MGA: variants seen among roughly 807,000 people sequenced by gnomAD.
MGA encodes MAX gene-associated protein.
In MGA, 40 loss-of-function variants were observed where a neutral mutation model predicts 261.1. The ratio of observed to expected loss-of-function variants is 0.15; its 90% CI spans 0.12 to 0.20. MGA has a LOEUF of 0.20. Ranked by LOEUF, MGA falls within the 10% of genes least tolerant of loss-of-function variation. MGA has a pLI of 1.00. For synonymous variants in MGA, 1,302 were observed against 1,290.6 expected, an observed-to-expected ratio of 1.01 and a Z score of -0.19; for missense variants, 3,397 against 3,630.5, an observed-to-expected ratio of 0.94 and a Z score of 1.65.
chr15:41,663,822 A>T (rs769272034), intron 1 of MGA, among the ~76,000 whole-genome samples: 44 of 151,946 alleles, frequency 2.9e-4, no homozygotes, highest in Middle Eastern at 3.2e-3. Flanking sequence ...GCTTAAGTAG[A>T]CTTTAGAGTG....
At chr15:41,752,916 C>G (rs181104782) in intron 17 of MGA, among the ~76,000 whole-genome samples, 158 of 152,226 alleles carry the variant, frequency 1.0e-3, no homozygotes, top group Non-Finnish European at 1.5e-4. Context: ...GGGAATTTGA[C>G]AAGCAAACAA....
intron 1 of MGA, among the ~76,000 whole-genome samples, chr15:41,637,391 C>G (rs763468852): frequency 7.2e-5 from 11 of 152,132 alleles, no homozygotes; most frequent in Admixed American, 1.3e-4. Context: ...GGTACTGAAA[C>G]TGGTTTAAAG....
chr15:41,745,304 AAAAG>A (rs1727776336), intron 15 of MGA, among the ~76,000 whole-genome samples: 1 of 149,096 alleles, frequency 6.7e-6, no homozygotes, highest in Admixed American at 6.6e-5. Flanking sequence ...AAAAAAAAAA[AAAAG>A]AGACAGCATT....
At chr15:41,657,700 G>A (rs1334753252), upstream of MGA, among the ~76,000 whole-genome samples, 5 of 151,562 alleles carry the variant, frequency 3.3e-5, no homozygotes, top group African/African-American at 9.7e-5. Flanking sequence ...AAAAAAACAA[G>A]CATCTTTTGC....
intron 2 of MGA, among the ~76,000 whole-genome samples, chr15:41,689,345 C>A (rs1029522946): frequency 2.0e-5 from 3 of 150,070 alleles, no homozygotes; most frequent in Non-Finnish European, 4.4e-5. Flanking sequence ...CTCTCTTCTC[C>A]CTCCTCCTTC....
chr15:41,667,202 G>C (rs923119927), intron 1 of MGA, among the ~76,000 whole-genome samples: 1 of 151,640 alleles, frequency 6.6e-6, no homozygotes, highest in African/African-American at 2.4e-5. Flanking sequence ...ATTTGGTCTT[G>C]TTGATTTGTA....
chr15:41,695,526 C>T (rs2059512843), intron 2 of MGA, among the ~76,000 whole-genome samples: 2 of 152,120 alleles, frequency 1.3e-5, no homozygotes, highest in Admixed American at 1.3e-4. Context: ...TACATTGGTA[C>T]AGTTCTTAGG....
chr15:41,698,092 G>A (rs564597494), intron 3 of MGA, among the ~76,000 whole-genome samples: 4 of 147,066 alleles, frequency 2.7e-5, no homozygotes, highest in Admixed American at 6.8e-5. Flanking sequence ...GGATGGTCTC[G>A]ATCTCCTGGC....
intron 1 of MGA, among the ~76,000 whole-genome samples, chr15:41,665,276 C>G (rs2150891694): frequency 6.6e-6 from 1 of 152,194 alleles, no homozygotes; most frequent in East Asian, 1.9e-4. Flanking sequence ...GATTACTGAC[C>G]CACTTACACA....
At chr15:41,702,936 TA>T (rs1303489284) in intron 5 of MGA, among the ~76,000 whole-genome samples, 5 of 68,512 alleles carry the variant, frequency 7.3e-5, no homozygotes, top group Admixed American at 1.9e-4. Flanking sequence ...AGAGAATACC[TA>T]TTTTTTTTCC....
chr15:41,708,020 C>A, intron 6 of MGA, 84 bp from the exon 7 acceptor site: 1 of 1,373,370 alleles, frequency 7.3e-7, no homozygotes, highest in Non-Finnish European at 9.9e-7. Context: ...ATACACTTAC[C>A]AAATTAAAGT....
chr15:41,758,767 C>CT (rs1379871692), intron 19 of MGA, among the ~76,000 whole-genome samples: 1 of 152,046 alleles, frequency 6.6e-6, no homozygotes. Context: ...AAGGCAGTGG[C>CT]TTTTACATTA....
intron 2 of MGA, among the ~76,000 whole-genome samples, chr15:41,683,214 A>G (rs1422172750): frequency 6.6e-6 from 1 of 151,766 alleles, no homozygotes; most frequent in Non-Finnish European, 1.5e-5. Context: ...TCATCTTTGT[A>G]CTGTGCTTTA....
chr15:41,693,723 A>G (rs1221298139), intron 2 of MGA, among the ~76,000 whole-genome samples: 1 of 152,126 alleles, frequency 6.6e-6, no homozygotes, highest in Non-Finnish European at 1.5e-5. Flanking sequence ...TGAGGCTGAA[A>G]TGGCTGAGGA....
At chr15:41,758,293 T>C (rs956919082) in intron 19 of MGA, among the ~76,000 whole-genome samples, 2 of 152,078 alleles carry the variant, frequency 1.3e-5, no homozygotes, top group African/African-American at 4.8e-5. Context: ...TTAAGCAGGG[T>C]TTTTTGTTTA....
At chr15:41,695,626 T>C (rs971791204) in intron 2 of MGA, among the ~76,000 whole-genome samples, 1 of 152,248 alleles carries the variant, frequency 6.6e-6, no homozygotes, top group African/African-American at 2.4e-5. Flanking sequence ...TCATACGTAT[T>C]TGCCTTTAAC....
intron 2 of MGA, among the ~76,000 whole-genome samples, chr15:41,680,924 G>A (rs944456849): frequency 1.3e-5 from 2 of 152,162 alleles, no homozygotes; most frequent in African/African-American, 4.8e-5. Flanking sequence ...TTTAATCACA[G>A]TGTTGTTGTT....
chr15:41,650,032 G>A (rs1050420902), intron 1 of MGA, among the ~76,000 whole-genome samples: 28 of 152,120 alleles, frequency 1.8e-4, no homozygotes, highest in Non-Finnish European at 1.6e-4. Flanking sequence ...TACTTCCTAT[G>A]AGAATTATTC....
chr15:41,635,438 G>A (rs1175075533), intron 1 of MGA, among the ~76,000 whole-genome samples: 2 of 152,098 alleles, frequency 1.3e-5, no homozygotes, highest in Non-Finnish European at 2.9e-5. Flanking sequence ...GGCTGGGCGC[G>A]GTGGCTCACG....
Sources: gnomAD v4.1 joint callset for allele counts (sites outside exome capture counted in the v4.1 genomes callset) on GRCh38, gnomAD v4.1.1 for gene constraint, MANE v1.5 for transcripts, NCBI Gene and HGNC (gene_info 2026-07-23, HGNC 2026-07-21) for gene names.